Variants in SSR2 observed in about 807,000 individuals in gnomAD.
The protein encoded by SSR2 is signal sequence receptor subunit 2.
In SSR2, 16 loss-of-function variants were observed where a neutral mutation model predicts 22.6. That is an observed-to-expected ratio of 0.71 (90% confidence interval 0.48 to 1.08). The LOEUF (loss-of-function observed/expected upper bound fraction) is 1.08. Among genes scored for constraint, SSR2 ranks in the 50% least tolerant of loss-of-function variants. The pLI, the probability that SSR2 is intolerant of heterozygous loss-of-function variation, is 0.00. For missense variants in SSR2, 171 were observed against 221.6 expected (o/e 0.77, Z 1.45); for synonymous variants, 83 against 91.2 (o/e 0.91, Z 0.51).
chr1:156,015,971 C>T (rs193139711), intron 3 of SSR2, among the ~76,000 whole-genome samples: 112 of 151,702 alleles, frequency 7.4e-4, no homozygotes, highest in African/African-American at 2.6e-3. Context: ...GCCAACATGG[C>T]GAAACCCCGT....
chr1:156,016,179 A>C (rs918915130), intron 3 of SSR2, among the ~76,000 whole-genome samples: 6 of 152,078 alleles, frequency 3.9e-5, no homozygotes, highest in Non-Finnish European at 7.4e-5. Context: ...TCATTCAATC[A>C]GTGCTTCTTC....
At chr1:156,019,992 A>G in intron 2 of SSR2, 21 bp downstream of exon 2, 1 of 1,605,124 alleles carries the variant, frequency 6.2e-7, no homozygotes, top group Non-Finnish European at 8.5e-7. Flanking sequence ...CTTAATCTGT[A>G]ACTCTAGGGC....
intron 3 of SSR2, among the ~76,000 whole-genome samples, chr1:156,015,642 G>T (rs953795603): frequency 3.5e-5 from 5 of 144,908 alleles, no homozygotes; most frequent in Non-Finnish European, 6.0e-5. Flanking sequence ...TGCCCAGGCT[G>T]GTCTCAAAAT....
chr1:156,012,622 T>A, intron 4 of SSR2: 1 of 449,298 alleles, frequency 2.2e-6, no homozygotes, highest in South Asian at 1.6e-5. Flanking sequence ...AAGAATATGG[T>A]TCCATGTAGT....
Position 156,017,739 on chromosome 1 carries a change from G to GTTTTTTTTTTT in SSR2, c.254+520_254+530dup, listed in dbSNP as rs757236241. ...ATCCTCCCAGTATAGTATGTTTCAG[G>GTTTTTTTTTTT]TTTTTTTTTTTTTTTTTTTTTTTTT... is the stretch of plus-strand genomic sequence containing the variant. On this transcript the variant is annotated intron_variant, in intron 3 of 5. Transcript: ENST00000295702. 1.5e-4 allele frequency among the ~76,000 whole-genome samples: 9 copies of GTTTTTTTTTTT among 61,908 alleles called. 3 individuals carry two copies. Among genetic ancestry groups the GTTTTTTTTTTT allele is most frequent in the African/African-American group, 2.0e-4 (3 of 14,824 alleles). The allele number at this position is 61,908 out of a possible 152,430, so 40.6% of individuals were successfully genotyped here.
At chr1:156,012,707 C>T (rs185974965) in intron 4 of SSR2, 31 of 402,562 alleles carry the variant, frequency 7.7e-5, no homozygotes, top group Admixed American at 5.1e-4. Context: ...TGTTAAGTCC[C>T]TTCCCTACTG....
intron 4 of SSR2, chr1:156,012,782 A>C (rs1225714452): frequency 3.2e-6 from 1 of 308,824 alleles, no homozygotes; most frequent in Non-Finnish European, 6.5e-6. Context: ...ATAAATTTAT[A>C]CATTTATTTG....
intron 4 of SSR2, chr1:156,012,355 A>G (rs1682989282): frequency 3.1e-6 from 1 of 321,372 alleles, no homozygotes; most frequent in African/African-American, 2.2e-5. Context: ...ATGAAATAGC[A>G]AAAATATATA....
At position 156,015,800 on chromosome 1, in the gene SSR2, C is replaced by CA. The variant is rs1284759795; in HGVS notation, c.255-732dup. ...AATTTTAAGGGTCCCATGTTATACT[C>CA]AGTGTCATGGTTTTTGAAGTAAACT... On this transcript the variant is annotated intron_variant, in intron 3 of 5. Transcript: ENST00000295702. Among the ~76,000 whole-genome samples, 11 of 151,468 alleles carry CA rather than the reference C, an allele frequency of 7.3e-5. No homozygotes were observed. In the Admixed American group the frequency reaches 7.3e-4, roughly 10 times the overall value.
intron 3 of SSR2, among the ~76,000 whole-genome samples, chr1:156,017,749 T>TTG (rs1683079983): frequency 8.4e-6 from 1 of 118,688 alleles, no homozygotes; most frequent in East Asian, 2.4e-4. Context: ...GTTTTTTTTT[T>TTG]TTTTTTTTTT....
At position 156,018,347 on chromosome 1, in the gene SSR2, T is replaced by A; in HGVS notation, c.177A>T (p.Leu59=). 6.2e-7 allele frequency: 1 copy of A among 1,613,354 alleles called. No individual in the cohort carries two copies. The highest frequency in any genetic ancestry group is 8.5e-7 in the Non-Finnish European group (1 of 1,179,624). The stretch of plus-strand genomic sequence containing the variant: ...CTTCTGGAGGGAAGGAATCATCAGA[T>A]AGTTCCACGTCTAATGCAGCACTAG... ...VGSSAALDVE[L]SDDSFPPEDF... is the part of the protein sequence containing the mutation. The change falls in exon 3 of 6, where the codon CTA becomes CTT. Residue 59 remains leucine, a synonymous_variant. Transcript: ENST00000295702.
intron 1 of SSR2, 175 bp downstream of exon 1, chr1:156,020,712 GC>G (rs1210313333): frequency 2.8e-6 from 1 of 351,952 alleles, no homozygotes; most frequent in East Asian, 7.8e-5. Context: ...GGGCGGGGGG[GC>G]GGGGGTCAAT....
At chr1:156,016,347 C>T (rs1426135784) in intron 3 of SSR2, among the ~76,000 whole-genome samples, 1 of 151,918 alleles carries the variant, frequency 6.6e-6, no homozygotes, top group Non-Finnish European at 1.5e-5. Context: ...CATTCTCCTG[C>T]CTCAGCCTCC....
Position 156,009,476 on chromosome 1 carries a change from G to A in SSR2, c.*64C>T. The A allele has an allele frequency of 7.9e-7, 1 of 1,271,278 alleles. No homozygotes were observed. Among genetic ancestry groups the A allele is most frequent in the Non-Finnish European group, 1.1e-6 (1 of 870,950 alleles). The allele number at this position is 1,271,278 out of a possible 1,614,324, so 78.7% of individuals were successfully genotyped here. A position where few individuals can be genotyped will look rare whatever the true frequency, so the allele number is the denominator to read the frequency against. On this transcript the variant is annotated 3_prime_UTR_variant, in exon 6 of 6. Coordinates refer to ENST00000295702, the MANE Select transcript of SSR2 (RefSeq NM_003145.4). The stretch of plus-strand genomic sequence containing the variant: ...TAAGATACCCTTTGGAGTCTGGAAA[G>A]CACCTGGATTTCTTGGGAGAGGAGC...
chr1:156,020,368 T>G, intron 1 of SSR2: 18 of 523,884 alleles, frequency 3.4e-5, no homozygotes, highest in East Asian at 6.9e-5. Context: ...GAAAAACCGG[T>G]ACAAGCACCA....
intron 4 of SSR2, chr1:156,013,058 G>A (rs929208882): frequency 6.5e-6 from 1 of 154,392 alleles, no homozygotes; most frequent in Non-Finnish European, 1.4e-5. Flanking sequence ...AACTACTGAA[G>A]ACAGTGATTA....
intron 4 of SSR2, chr1:156,012,190 C>T (rs1286973222): frequency 1.3e-5 from 4 of 306,446 alleles, no homozygotes; most frequent in African/African-American, 8.5e-5. Flanking sequence ...CCAAATTCTT[C>T]TGTCTGAGCC....
chr1:156,011,944 A>C, intron 4 of SSR2, 57 bp from the exon 5 acceptor site: 1 of 1,415,776 alleles, frequency 7.1e-7, no homozygotes, highest in Non-Finnish European at 1.0e-6. Context: ...GTTCCACCTC[A>C]TCTACTCTGA....
In SSR2 at chr1:156,012,790, T is replaced by C. The variant is rs1230446451; in HGVS notation, c.364-903A>G. The C allele has an allele frequency of 9.6e-6, 3 of 311,724 alleles. No homozygotes were observed. In the East Asian group the frequency reaches 2.3e-4, roughly 24 times the overall value. The allele number at this position is 311,724 out of a possible 1,614,324, so 19.3% of individuals were successfully genotyped here. ...TGGCTTCATAAATTTATACATTTAT[T>C]TGGCTTTATACATTTATGACTTAAG... On this transcript the variant is annotated intron_variant, in intron 4 of 5. Transcript: ENST00000295702.
Sources: gnomAD v4.1 joint callset for allele counts (sites outside exome capture counted in the v4.1 genomes callset) on GRCh38, gnomAD v4.1.1 for gene constraint, MANE v1.5 for transcripts, NCBI Gene and HGNC (gene_info 2026-07-23, HGNC 2026-07-21) for gene names.